NTRK1: variants seen among roughly 807,000 people sequenced by gnomAD.
The protein encoded by NTRK1 is high affinity nerve growth factor receptor.
In NTRK1, 62 loss-of-function variants were observed where a neutral mutation model predicts 86.8. The ratio of observed to expected loss-of-function variants is 0.71; its 90% CI spans 0.58 to 0.88. NTRK1 has a LOEUF of 0.88. Among genes scored for constraint, NTRK1 ranks in the 40% least tolerant of loss-of-function variants. The probability of loss-of-function intolerance (pLI) is 0.00; values close to 1 mark genes in which losing one functional copy is unlikely to be tolerated. For missense variants in NTRK1, 967 were observed against 1,078.4 expected (o/e 0.90, Z 1.45); for synonymous variants, 469 against 456.6 (o/e 1.03, Z -0.35).
chr1:156,819,413 C>T (rs1654120361), intron 1 of NTRK1, among the ~76,000 whole-genome samples: 3 of 152,000 alleles, frequency 2.0e-5, no homozygotes, highest in African/African-American at 7.2e-5. Context: ...TGGTGTTGAG[C>T]ATTTTTTCAT....
intron 1 of NTRK1, among the ~76,000 whole-genome samples, chr1:156,822,413 G>A (rs1654212563): frequency 6.6e-6 from 1 of 151,996 alleles, no homozygotes; most frequent in Non-Finnish European, 1.5e-5. Flanking sequence ...AAGAAAAAAA[G>A]AGCCAGATAT....
intron 2 of NTRK1, among the ~76,000 whole-genome samples, chr1:156,850,533 TC>T (rs1487379364): frequency 3.8e-4 from 44 of 116,774 alleles, no homozygotes; most frequent in African/African-American, 1.4e-3. Context: ...TTTAAAACAT[TC>T]TTTTTTTTTT....
At chr1:156,872,739 G>A (rs979976419) in intron 7 of NTRK1, among the ~76,000 whole-genome samples, 13 of 149,342 alleles carry the variant, frequency 8.7e-5, no homozygotes, top group African/African-American at 3.2e-4. Context: ...GCAGTGGCGC[G>A]CTCTCGGCTC....
rs145060242 is a variant in NTRK1, at chr1:156,881,649, G to A, written c.*7G>A. 42 of 1,598,548 alleles carry A rather than the reference G, an allele frequency of 2.6e-5. No individual in the cohort carries two copies. Among genetic ancestry groups the A allele is most frequent in the South Asian group, 1.0e-4 (9 of 88,686 alleles). On this transcript the variant is annotated 3_prime_UTR_variant, in exon 17 of 17. Transcript: ENST00000524377. ...CCTGGATGTCCTGGGCTAGGGGGCC[G>A]GCCCAGGGGCTGGGAGTGGTTAGCC...
rs746793505 is a variant in NTRK1 at position 156,864,308 on chromosome 1, CAA to C, written c.213-45_213-44del. 7 of 1,599,220 alleles carry C rather than the reference CAA, an allele frequency of 4.4e-6. No individual in the cohort carries two copies. The East Asian group carries it at 1.1e-4, about 26-fold the overall frequency. On this transcript the variant is annotated intron_variant, in intron 1 of 16. Transcript: ENST00000524377. The stretch of plus-strand genomic sequence containing the variant: ...GAGTAAGTGGGTGGGCATGGGAACT[CAA>C]GTGTGGGCCTGAGCCCTGTGACTCC...
intron 1 of NTRK1, chr1:156,842,022 C>T: frequency 6.3e-7 from 1 of 1,590,068 alleles, no homozygotes; most frequent in East Asian, 2.3e-5. Context: ...CACAGGCTGT[C>T]AGGACCAGGG....
chr1:156,856,569 G>A (rs148328310), upstream of NTRK1, among the ~76,000 whole-genome samples: 607 of 152,272 alleles, frequency 4.0e-3, 1 homozygote, highest in African/African-American at 0.014. Context: ...CTCTGGCCTG[G>A]AGTTAATCAC....
rs541124856 is a variant in NTRK1 at position 156,863,328 on chromosome 1, C to T, written c.213-1026C>T. Among the ~76,000 whole-genome samples the T allele has an allele frequency of 2.1e-4, 32 of 152,244 alleles. No individual in the cohort carries two copies. In the East Asian group the frequency reaches 6.0e-3, roughly 28 times the overall value. ...CTCTCTGACCTCTTCCTGTCAGTTT[C>T]TCTTTCAGTGTCTCTGTTTCACTCT... On this transcript the variant is annotated intron_variant, in intron 1 of 16. Transcript: ENST00000524377.
At chr1:156,875,700 A>ATT (rs3222183) in intron 12 of NTRK1, 34 bp downstream of exon 12, 3 of 1,385,638 alleles carry the variant, frequency 2.2e-6, no homozygotes, top group African/African-American at 2.9e-5. Flanking sequence ...GGCAGGGACG[A>ATT]GTGTGTGTGT....
chr1:156,861,390 C>A (rs1014008107), intron 1 of NTRK1, among the ~76,000 whole-genome samples: 2 of 151,766 alleles, frequency 1.3e-5, no homozygotes, highest in Non-Finnish European at 2.9e-5. Flanking sequence ...TCAGGGAGAT[C>A]GAAGGGGGAA....
chr1:156,842,087 C>T (rs1048256058), exon 2 of NTRK1: 1 of 1,613,612 alleles, frequency 6.2e-7, no homozygotes, highest in African/African-American at 1.3e-5. Context: ...TCAGGCCGCC[C>T]TCATCTGCCT....
rs6339 is a variant in NTRK1, at chr1:156,879,154, G to T, written c.1838G>T (p.Gly613Val). The change falls in exon 15 of 17, where the codon GGT (glycine) becomes GTT (valine). Residue 613 changes from glycine to valine, a missense_variant. By Grantham distance (109) the Gly-to-Val change is moderately radical. This residue lies in a region of NTRK1 where 637 missense variants were observed against 776.5 expected (regional missense o/e 0.82). Transcript: ENST00000524377. ...GGACCTGATGCCAAGCTGCTGGCTG[G>T]TGGGGAGGATGTGGCTCCAGGCCCC... ...SHGPDAKLLA[G>V]GEDVAPGPLG... 0.053 allele frequency: 86,056 copies of T among 1,613,774 alleles called. 2,657 individuals carry two copies. The highest frequency in any genetic ancestry group is 0.06 in the Non-Finnish European group (71,179 of 1,179,812).
rs369642315 is a variant in NTRK1, at chr1:156,875,576, T to C, written c.1411T>C (p.Leu471=). ...GLAMSLHFMT[L]GGSSLSPTEG... ...GGCCATGTCCCTGCATTTCATGACATTGGGTGGCAGCTCCCTGTCCCCCAC... is the reference window on the plus strand; with the variant it reads ...GGCCATGTCCCTGCATTTCATGACACTGGGTGGCAGCTCCCTGTCCCCCAC... The change falls in exon 12 of 17, where the codon TTG becomes CTG. Residue 471 remains leucine, a synonymous_variant. Transcript: ENST00000524377. 2.5e-6 allele frequency: 4 copies of C among 1,613,926 alleles called. No homozygotes were observed. Among genetic ancestry groups the C allele is most frequent in the Non-Finnish European group, 1.7e-6 (2 of 1,179,972 alleles).
At chr1:156,852,112 C>T (rs763540321) in intron 2 of NTRK1, 3 of 1,613,642 alleles carry the variant, frequency 1.9e-6, no homozygotes, top group Admixed American at 3.3e-5. Flanking sequence ...GGTCTTCTGG[C>T]TGGCTGCAGC....
intron 2 of NTRK1, chr1:156,844,703 C>G (rs1225977171): frequency 6.2e-7 from 1 of 1,614,116 alleles, no homozygotes; most frequent in South Asian, 1.1e-5. Flanking sequence ...CCACGGGCAC[C>G]TACCTCTCCC....
rs1655353195 is a variant in NTRK1 at position 156,854,874 on chromosome 1, AC to A, written c.51-9474del. The stretch of plus-strand genomic sequence containing the variant: ...GGATCACGTTTCTCCTCTGCTTATA[AC>A]CCCCCGTGACTTCCATCTCTCTTGA... On this transcript the variant is annotated intron_variant, in intron 2 of 16. Coordinates refer to the NTRK1 transcript ENST00000392302. This position sits in a 1 kb window ranked among gnomAD's most constrained non-coding sequence, Gnocchi z 4.2. Among the ~76,000 whole-genome samples the A allele has an allele frequency of 6.6e-6, 1 of 151,224 alleles. No homozygotes were observed. Among genetic ancestry groups the A allele is most frequent in the African/African-American group, 2.4e-5 (1 of 41,044 alleles).
rs781314846 is a variant in NTRK1 at position 156,852,070 on chromosome 1, G to A, written c.50+9877G>A. 8.1e-6 allele frequency: 13 copies of A among 1,613,550 alleles called. No individual in the cohort carries two copies. In the African/African-American group the frequency reaches 1.2e-4, roughly 15 times the overall value. ...AGGCCCACAGGCAGGCACCCTGGAA[G>A]TAGAGGTGGCGGCAAGCTACACAGG... is the stretch of plus-strand genomic sequence containing the variant. On this transcript the variant is annotated intron_variant, in intron 2 of 16. Coordinates refer to the NTRK1 transcript ENST00000392302.
chr1:156,841,599 G>A, intron 1 of NTRK1: 1 of 1,609,896 alleles, frequency 6.2e-7, no homozygotes, highest in Non-Finnish European at 8.5e-7. Context: ...GGATGGGGGT[G>A]TTCCAGGCCC....
rs777410652 is a variant in NTRK1 at position 156,876,621 on chromosome 1, C to G, written c.1805+49C>G. On this transcript the variant is annotated intron_variant, in intron 14 of 16. Coordinates refer to ENST00000524377, the MANE Select transcript of NTRK1 (RefSeq NM_002529.4). ...TGGCCCCGGCCCCTGGCTCTGGGCC[C>G]CGTCTTCCCTTCCCTATAGACATCC... 1.5e-5 allele frequency: 23 copies of G among 1,570,300 alleles called. No homozygotes were observed. In the Admixed American group the frequency reaches 1.8e-4, roughly 12 times the overall value.
Sources: allele counts gnomAD v4.1 joint callset (sites outside exome capture counted in the v4.1 genomes callset), GRCh38; gene constraint gnomAD v4.1.1; regional missense constraint gnomAD v4.1.1; non-coding constraint Gnocchi (gnomAD v3.1); transcripts MANE v1.5; gene names NCBI Gene and HGNC (gene_info 2026-07-23, HGNC 2026-07-21).